The following PCLO variants were observed in gnomAD, a reference collection of about 807,000 sequenced individuals.
PCLO encodes piccolo presynaptic cytomatrix protein.
Under a neutral mutation model 427.5 loss-of-function variants are expected in PCLO, and 82 were observed. The observed-to-expected ratio is 0.19, with a 90% CI of 0.16 to 0.23. The LOEUF is 0.23. PCLO is among the 10% of genes least tolerant of loss of function. The pLI, the probability that PCLO is intolerant of heterozygous loss-of-function variation, is 1.00. For missense variants in PCLO, 6,239 were observed against 6,115.9 expected (o/e 1.02, Z -0.67); for synonymous variants, 2,357 against 2,155.4 (o/e 1.09, Z -2.59).
intron 3 of PCLO, among the ~76,000 whole-genome samples, chr7:83,022,724 G>C (rs1350584116): frequency 1.3e-5 from 2 of 151,916 alleles, no homozygotes; most frequent in Non-Finnish European, 2.9e-5. Context: ...CTTTTTTTAA[G>C]CCTGCAATGA....
At chr7:82,934,714 T>C (rs965530531) in intron 6 of PCLO, among the ~76,000 whole-genome samples, 1 of 151,704 alleles carries the variant, frequency 6.6e-6, no homozygotes, top group Non-Finnish European at 1.5e-5. Flanking sequence ...GATTTGTATT[T>C]ATCTATGTCC....
intron 9 of PCLO, among the ~76,000 whole-genome samples, chr7:82,890,128 A>G (rs536115853): frequency 6.6e-6 from 1 of 152,104 alleles, no homozygotes; most frequent in South Asian, 2.1e-4. Flanking sequence ...GCATTTATCC[A>G]TTTAGCTACT....
In PCLO at chr7:82,833,235, A is replaced by G. The variant is rs373423554; in HGVS notation, c.14249+2432T>C. ...ACCAATGTTGTTTAGAGAAAGGTCC[A>G]GCCAGGAATTGGGCTTCCAGGTATA... On this transcript the variant is annotated intron_variant, in intron 16 of 24. Coordinates refer to ENST00000333891, the MANE Select transcript of PCLO (RefSeq NM_033026.6). Among the ~76,000 whole-genome samples, 103 of 152,354 alleles carry G rather than the reference A, an allele frequency of 6.8e-4. No homozygotes were observed. In the East Asian group the frequency reaches 0.014, roughly 21 times the overall value.
intron 10 of PCLO, among the ~76,000 whole-genome samples, chr7:82,855,922 T>C (rs1196453903): frequency 1.3e-5 from 2 of 152,136 alleles, no homozygotes; most frequent in African/African-American, 4.8e-5. Context: ...ATGTCTGGCA[T>C]ATTTTTTCAA....
At chr7:83,069,471 T>A (rs903294260) in intron 3 of PCLO, among the ~76,000 whole-genome samples, 1 of 152,188 alleles carries the variant, frequency 6.6e-6, no homozygotes, top group Non-Finnish European at 1.5e-5. Flanking sequence ...ATTCAGTCTG[T>A]ATTGACAAGT....
chr7:82,893,629 A>G (rs1793828910), intron 9 of PCLO, among the ~76,000 whole-genome samples: 1 of 152,066 alleles, frequency 6.6e-6, no homozygotes. Context: ...GGATTAGGAC[A>G]CAGTCCGTGA....
At position 82,915,263 on chromosome 7, in the gene PCLO, G is replaced by T. The variant is rs1418823585; in HGVS notation, c.12723C>A (p.Ile4241=). The change falls in exon 7 of 25, where the codon ATC becomes ATA. Residue 4241 remains isoleucine (I), a synonymous_variant. Transcript: ENST00000333891. ...SSRARLLQDD[I]TFGLRKNITD... is the part of the protein sequence containing the mutation. ...TAATATTTTTTCTGAGGCCAAAAGTGATGTCATCTTGAAGGAGCCTTGCCC... is the reference window on the plus strand; with the variant it reads ...TAATATTTTTTCTGAGGCCAAAAGTTATGTCATCTTGAAGGAGCCTTGCCC... 1 of 1,613,548 alleles carries T rather than the reference G, an allele frequency of 6.2e-7. No individual in the cohort carries two copies. Among genetic ancestry groups the T allele is most frequent in the Non-Finnish European group, 8.5e-7 (1 of 1,179,724 alleles).
At chr7:83,062,037 A>C (rs1166210716) in intron 3 of PCLO, among the ~76,000 whole-genome samples, 2 of 152,218 alleles carry the variant, frequency 1.3e-5, no homozygotes, top group African/African-American at 4.8e-5. Context: ...ACTAAGATCC[A>C]ATTGGTATAA....
At chr7:83,140,529 T>C (rs1315248145) in intron 2 of PCLO, among the ~76,000 whole-genome samples, 1 of 152,152 alleles carries the variant, frequency 6.6e-6, no homozygotes, top group African/African-American at 2.4e-5. Flanking sequence ...CTCCAGTGTA[T>C]ATATGACACT....
chr7:83,055,593 T>A (rs1272155676), intron 3 of PCLO, among the ~76,000 whole-genome samples: 4 of 152,082 alleles, frequency 2.6e-5, no homozygotes, highest in Non-Finnish European at 4.4e-5. Context: ...GCTGTCAAAG[T>A]CAATTATTTG....
chr7:83,034,093 C>CAA (rs554078634), intron 3 of PCLO, among the ~76,000 whole-genome samples: 22 of 152,196 alleles, frequency 1.4e-4, no homozygotes, highest in South Asian at 4.1e-4. Context: ...AGAAAAAAAT[C>CAA]AAAAACATCT....
Position 82,955,260 on chromosome 7 carries a change from T to C in PCLO, c.5693A>G (p.Glu1898Gly). Residue 1898 changes from glutamate (E) to glycine (G), a missense_variant, in exon 5 of 25, where the codon GAG (glutamate) becomes GGG (glycine). Glu to Gly is a moderately conservative substitution (Grantham distance 98). Around this residue, in one of 5 missense-constraint regions of PCLO, gnomAD observed 4,677 missense variants for 4,468.4 expected, o/e 1.05. Coordinates refer to ENST00000333891, the MANE Select transcript of PCLO (RefSeq NM_033026.6). Reference sequence around the variant, plus strand: ...ACCTTCTTTCTGCATAATAGATTGCTCATCTGTTGGTGAGTATAATGAAAC... The same window carrying C: ...ACCTTCTTTCTGCATAATAGATTGCCCATCTGTTGGTGAGTATAATGAAAC... ...TAVSLYSPTD[E>G]QSIMQKEGSQ... is the part of the protein sequence containing the mutation. 1 of 1,613,590 alleles carries C rather than the reference T, an allele frequency of 6.2e-7. No individual in the cohort carries two copies. Among genetic ancestry groups the C allele is most frequent in the Non-Finnish European group, 8.5e-7 (1 of 1,179,604 alleles).
chr7:83,036,679 C>T (rs375640681), intron 3 of PCLO, among the ~76,000 whole-genome samples: 2 of 152,158 alleles, frequency 1.3e-5, no homozygotes, highest in East Asian at 1.9e-4. Flanking sequence ...CTGCTATAGT[C>T]TGAATATAGA....
intron 2 of PCLO, among the ~76,000 whole-genome samples, chr7:83,154,420 C>CA (rs1465785721): frequency 5.3e-5 from 8 of 151,798 alleles, no homozygotes; most frequent in African/African-American, 1.9e-4. Context: ...GTAGGAACAC[C>CA]AATGTAAAAG....
chr7:82,776,088 T>C (rs59536911), intron 22 of PCLO, among the ~76,000 whole-genome samples: 1,593 of 152,316 alleles, frequency 0.01, 34 homozygotes, highest in African/African-American at 0.036. Flanking sequence ...AGTCAGTTTT[T>C]CTATATAGGT....
At chr7:83,133,185 A>G (rs1057358226) in intron 3 of PCLO, among the ~76,000 whole-genome samples, 10 of 152,080 alleles carry the variant, frequency 6.6e-5, no homozygotes, top group Admixed American at 6.5e-4. Flanking sequence ...TATTTAACTC[A>G]AGAACACCAC....
At position 82,954,501 on chromosome 7, in the gene PCLO, C is replaced by G. The variant is rs199827159; in HGVS notation, c.6452G>C (p.Arg2151Thr). 228 of 1,613,860 alleles carry G rather than the reference C, an allele frequency of 1.4e-4. No homozygotes were observed. The highest frequency in any genetic ancestry group is 1.8e-4 in the Non-Finnish European group (209 of 1,179,878). The change falls in exon 5 of 25, where the codon AGA becomes ACA. Residue 2151 changes from arginine (R) to threonine (T), a missense_variant. This residue lies in a region of PCLO where 4,677 missense variants were observed against 4,468.4 expected (regional missense o/e 1.05). Transcript: ENST00000333891. ...IEDEYVTDYT[R>T]EIQEIIAHES... ...ATGGGCAATTATCTCTTGAATTTCT[C>G]TTGTATAATCGGTTACATATTCATC...
intron 3 of PCLO, among the ~76,000 whole-genome samples, chr7:83,001,580 G>A (rs538566571): frequency 6.6e-6 from 1 of 151,796 alleles, no homozygotes; most frequent in South Asian, 2.1e-4. Context: ...ACTTATTCCT[G>A]ACTTTCAAAC....
chr7:83,062,779 A>T (rs1004669973), intron 3 of PCLO, among the ~76,000 whole-genome samples: 4 of 152,120 alleles, frequency 2.6e-5, no homozygotes, highest in African/African-American at 9.6e-5. Flanking sequence ...TCCATTCACC[A>T]TAACTAATCC....
Sources: gnomAD v4.1 joint callset for allele counts (sites outside exome capture counted in the v4.1 genomes callset) on GRCh38, gnomAD v4.1.1 for gene constraint, gnomAD v4.1.1 regional missense constraint, MANE v1.5 for transcripts, NCBI Gene and HGNC (gene_info 2026-07-23, HGNC 2026-07-21) for gene names.